Variants in ZFP64 observed in about 807,000 individuals in gnomAD.
ZFP64 encodes ZFP64 zinc finger protein, also known as zinc finger protein 64.
Under a neutral mutation model 51.6 loss-of-function variants are expected in ZFP64, and 14 were observed. The ratio of observed to expected loss-of-function variants is 0.27; its 90% CI spans 0.18 to 0.42. The LOEUF (loss-of-function observed/expected upper bound fraction) is 0.42, where lower values mean the gene tolerates loss of function less well. Ranked by LOEUF, ZFP64 falls within the 10% of genes least tolerant of loss-of-function variation. ZFP64 has a pLI of 1.00. For missense variants in ZFP64, 754 were observed against 906.8 expected (o/e 0.83, Z 2.16); for synonymous variants, 375 against 361.4 (o/e 1.04, Z -0.43).
intron 2 of ZFP64, among the ~76,000 whole-genome samples, chr20:52,178,523 C>T (rs1983398980): frequency 6.6e-6 from 1 of 152,174 alleles, no homozygotes; most frequent in Non-Finnish European, 1.5e-5. Flanking sequence ...CTGGCAATCA[C>T]CACATAGTTT....
In ZFP64 at chr20:52,186,861, G is replaced by T. The variant is rs943711248; in HGVS notation, c.257C>A (p.Thr86Asn). Residue 86 changes from threonine (T) to asparagine (N), a missense_variant, in exon 2 of 6, where the codon ACC becomes AAC. Physicochemically the swap from Thr to Asn is moderately conservative, Grantham distance 65. Coordinates refer to ENST00000216923, the MANE Select transcript of ZFP64 (RefSeq NM_018197.3). ...GATTGTCTGGGTCTCCGAGGTGATGGTTCTGGTGGTGGTCTGAGTCTGGGT... is the reference window on the plus strand; with the variant it reads ...GATTGTCTGGGTCTCCGAGGTGATGTTTCTGGTGGTGGTCTGAGTCTGGGT... ...PATQTQTTTR[T>N]ITSETQTITV... The T allele has an allele frequency of 3.7e-6, 6 of 1,612,898 alleles. No homozygotes were observed. Among genetic ancestry groups the T allele is most frequent in the Non-Finnish European group, 3.4e-6 (4 of 1,178,994 alleles).
chr20:52,159,947 C>T (rs1469376679), intron 5 of ZFP64, among the ~76,000 whole-genome samples, 176 bp downstream of exon 5: 1 of 152,086 alleles, frequency 6.6e-6, no homozygotes, highest in East Asian at 1.9e-4. Flanking sequence ...TGCACTCCAG[C>T]CAGGGCAACA....
At position 52,176,505 on chromosome 20, in the gene ZFP64, C is replaced by CTTTTTTTTTTTTTTT. The variant is rs557663780; in HGVS notation, c.286+10312_286+10326dup. Among the ~76,000 whole-genome samples the CTTTTTTTTTTTTTTT allele has an allele frequency of 1.0e-3, 139 of 136,654 alleles. 5 individuals carry two copies. Among genetic ancestry groups the CTTTTTTTTTTTTTTT allele is most frequent in the Non-Finnish European group, 1.6e-3 (100 of 63,192 alleles). The allele number at this position is 136,654 out of a possible 152,430, so 89.7% of individuals were successfully genotyped here. ...ATTTCTAGCTTCTGGTTCAATCTCT[C>CTTTTTTTTTTTTTTT]TTTTTTTTTTTTTTTGAGACGGAGT... On this transcript the variant is annotated intron_variant, in intron 2 of 5. Transcript: ENST00000216923.
chr20:52,125,603 C>T (rs988760948), intron 5 of ZFP64, among the ~76,000 whole-genome samples: 4 of 152,312 alleles, frequency 2.6e-5, no homozygotes, highest in East Asian at 1.9e-4. Context: ...GCCAAGCCTA[C>T]GTTACGTGGT....
intron 5 of ZFP64, among the ~76,000 whole-genome samples, chr20:52,135,896 C>T (rs1357799723): frequency 2.0e-5 from 3 of 151,354 alleles, no homozygotes; most frequent in South Asian, 2.1e-4. Flanking sequence ...GTCAGGAGTT[C>T]GAGACCAGCC....
At chr20:52,169,769 C>T (rs1164610358) in intron 2 of ZFP64, among the ~76,000 whole-genome samples, 1 of 152,180 alleles carries the variant, frequency 6.6e-6, no homozygotes, top group Non-Finnish European at 1.5e-5. Context: ...TTAACGTAGT[C>T]CCAGCTGGGT....
chr20:52,085,000 C>G (rs910415829), exon 9 of ZFP64: 2 of 1,613,976 alleles, frequency 1.2e-6, no homozygotes, highest in Non-Finnish European at 1.7e-6. Flanking sequence ...TAGCTGCACT[C>G]TGGACACTTC....
intron 7 of ZFP64, chr20:52,097,318 T>C (rs2078999124): frequency 3.8e-6 from 6 of 1,576,822 alleles, no homozygotes; most frequent in Non-Finnish European, 5.2e-6. Context: ...TAGCGCTTAA[T>C]TCACATTCAC....
At chr20:52,105,046 G>T in intron 5 of ZFP64, 2 of 1,378,492 alleles carry the variant, frequency 1.5e-6, no homozygotes, top group Non-Finnish European at 1.9e-6. Flanking sequence ...CAGGTCCCCT[G>T]CCCGGTCCTC....
chr20:52,174,261 G>A (rs1258232820), intron 2 of ZFP64, among the ~76,000 whole-genome samples: 4 of 150,724 alleles, frequency 2.7e-5, no homozygotes, highest in South Asian at 2.1e-4. Flanking sequence ...TGAGGCAGGC[G>A]GATCACCTGA....
intron 5 of ZFP64, chr20:52,110,338 G>C (rs905602019): frequency 2.4e-5 from 12 of 503,096 alleles, no homozygotes; most frequent in African/African-American, 2.4e-4. Flanking sequence ...ACCATAGAGA[G>C]CCTTTTTACA....
chr20:52,146,650 A>G (rs1161583657), downstream of ZFP64, among the ~76,000 whole-genome samples: 1 of 152,088 alleles, frequency 6.6e-6, no homozygotes, highest in Non-Finnish European at 1.5e-5. Context: ...TAATGGGCGC[A>G]GCACACCAGC....
intron 4 of ZFP64, among the ~76,000 whole-genome samples, chr20:52,163,148 G>A (rs898923935): frequency 3.3e-5 from 5 of 152,244 alleles, no homozygotes; most frequent in Admixed American, 6.5e-5. Context: ...ATCACCCAAC[G>A]TCGGGAGTTC....
At chr20:52,144,618 T>C (rs6021740) in intron 5 of ZFP64, among the ~76,000 whole-genome samples, 48,792 of 107,512 alleles carry the variant, frequency 0.45, 9,582 homozygotes, top group Non-Finnish European at 0.5. Context: ...AAAGCTGAAA[T>C]GAATGAAATG....
chr20:52,099,319 CTTTTTTTTTT>C (rs3035409), intron 5 of ZFP64, among the ~76,000 whole-genome samples: 2 of 149,916 alleles, frequency 1.3e-5, no homozygotes, highest in African/African-American at 2.4e-5. Flanking sequence ...CAATGTCAAA[CTTTTTTTTTT>C]TTTTTTAAGA....
downstream of ZFP64, among the ~76,000 whole-genome samples, chr20:52,149,952 T>A (rs1235667866): frequency 1.3e-5 from 2 of 152,186 alleles, no homozygotes; most frequent in African/African-American, 4.8e-5. Context: ...CTCACACCTG[T>A]AATCCCAGCA....
chr20:52,128,901 C>T (rs6096780), intron 5 of ZFP64, among the ~76,000 whole-genome samples: 23,991 of 150,254 alleles, frequency 0.16, 2,122 homozygotes, highest in Non-Finnish European at 0.2. Context: ...CAAGGAGCTC[C>T]GACCTTTTTT....
chr20:52,084,406 G>A (rs2078841845), exon 9 of ZFP64: 5 of 711,056 alleles, frequency 7.0e-6, no homozygotes, highest in Non-Finnish European at 1.1e-5. Context: ...CGTCACTGTC[G>A]CCCAGCCATC....
intron 7 of ZFP64, among the ~76,000 whole-genome samples, chr20:52,089,500 G>A (rs977989563): frequency 6.6e-6 from 1 of 152,128 alleles, no homozygotes; most frequent in African/African-American, 2.4e-5. Context: ...CAGTGCTTTG[G>A]GGGGCTGAGG....
Sources: gnomAD v4.1 joint callset for allele counts (sites outside exome capture counted in the v4.1 genomes callset) on GRCh38, gnomAD v4.1.1 for gene constraint, MANE v1.5 for transcripts, NCBI Gene and HGNC (gene_info 2026-07-23, HGNC 2026-07-21) for gene names.